The following COL4A2 variants were observed in gnomAD, a reference collection of about 807,000 sequenced individuals.
The protein encoded by COL4A2 is collagen alpha-2(IV) chain.
Under a neutral mutation model 200.2 loss-of-function variants are expected in COL4A2, and 99 were observed. The ratio of observed to expected loss-of-function variants is 0.49; its 90% confidence interval spans 0.42 to 0.58. The LOEUF is 0.58. Among genes scored for constraint, COL4A2 ranks in the 20% least tolerant of loss-of-function variants. The pLI, the probability that COL4A2 is intolerant of heterozygous loss-of-function variation, is 0.00. For missense variants in COL4A2, 1,950 were observed against 2,314.1 expected (o/e 0.84, Z 3.23); for synonymous variants, 897 against 900.6 (o/e 1.00, Z 0.07).
At chr13:110,424,604 ATAT>A in intron 4 of COL4A2, 127 bp from the exon 5 acceptor site, 1 of 554,960 alleles carries the variant, frequency 1.8e-6, no homozygotes, top group Non-Finnish European at 3.2e-6. Flanking sequence ...GATAGTTTAC[ATAT>A]AATGTTCCCT....
chr13:110,465,278 A>G lies in COL4A2; in HGVS notation c.1777-127A>G, dbSNP rs1012185808. The G allele has an allele frequency of 5.6e-6, 7 of 1,241,538 alleles. No individual in the cohort carries two copies. In the African/African-American group the frequency reaches 6.1e-5, roughly 11 times the overall value. The allele number at this position is 1,241,538 out of a possible 1,614,324, so 76.9% of individuals were successfully genotyped here. The stretch of plus-strand genomic sequence containing the variant: ...TGACCATGGCACTAGGTTCCTGTTC[A>G]TCTCTGTTGTCTTTCTGTTCTGGAT... On this transcript the variant is annotated intron_variant, in intron 24 of 47. Coordinates refer to ENST00000360467, the MANE Select transcript of COL4A2 (RefSeq NM_001846.4).
At chr13:110,421,520 G>T (rs1167112083) in intron 4 of COL4A2, among the ~76,000 whole-genome samples, 2 of 152,170 alleles carry the variant, frequency 1.3e-5, no homozygotes, top group Admixed American at 1.3e-4. Flanking sequence ...TGGTAAATCC[G>T]TAGAGACAGA....
At position 110,503,148 on chromosome 13, in the gene COL4A2, G is replaced by A; in HGVS notation, c.3905G>A (p.Gly1302Asp). The change falls in exon 42 of 48, where the codon GGT becomes GAT. Residue 1302 changes from glycine to aspartate, a missense_variant. Transcript: ENST00000360467. ...KGYRGPPGPP[G>D]SAALPGSKGD... Reference sequence around the variant, plus strand: ...TATCGGGGCCCACCAGGGCCACCAGGTTCTGCTGCTCTTCCTGGAAGCAAA... The same window carrying A: ...TATCGGGGCCCACCAGGGCCACCAGATTCTGCTGCTCTTCCTGGAAGCAAA... 1 of 1,613,932 alleles carries A rather than the reference G, an allele frequency of 6.2e-7. No homozygotes were observed. The highest frequency in any genetic ancestry group is 8.5e-7 in the Non-Finnish European group (1 of 1,179,974).
chr13:110,482,483 T>G lies in COL4A2; in HGVS notation c.2759-33T>G, dbSNP rs541632438. 367 of 1,607,796 alleles carry G rather than the reference T, an allele frequency of 2.3e-4. 1 individual carries two copies. Among genetic ancestry groups the G allele is most frequent in the Non-Finnish European group, 3.0e-4 (354 of 1,174,780 alleles). ...AAATGTCCCATGCATTTTATTCATG[T>G]CTAACCCAGCACTTTTCTCTTTTCC... On this transcript the variant is annotated intron_variant, in intron 31 of 47. Transcript: ENST00000360467.
intron 3 of COL4A2, among the ~76,000 whole-genome samples, chr13:110,309,841 A>G (rs907724056): frequency 3.3e-5 from 5 of 151,450 alleles, no homozygotes; most frequent in Admixed American, 6.6e-5. Flanking sequence ...ATACAAAAAA[A>G]TCAGCCGGGC....
rs749301484 is a variant in COL4A2, at chr13:110,469,295, C to G, written c.2174C>G (p.Ala725Gly). 1.1e-4 allele frequency: 178 copies of G among 1,597,552 alleles called. No homozygotes were observed. Among genetic ancestry groups the G allele is most frequent in the Non-Finnish European group, 1.5e-4 (174 of 1,172,254 alleles). ...GPGPRGLPGD[A>G]GREGFPGPPG... ...GGGCCCAGGGGCTTGCCAGGAGACGCAGGTCGTGAAGGGTTCCCAGGACCC... is the reference window on the plus strand; with the variant it reads ...GGGCCCAGGGGCTTGCCAGGAGACGGAGGTCGTGAAGGGTTCCCAGGACCC... Residue 725 changes from alanine to glycine, a missense_variant, in exon 28 of 48, where the codon GCA becomes GGA. Transcript: ENST00000360467.
intron 38 of COL4A2, 72 bp from the exon 39 acceptor site, chr13:110,493,139 G>A (rs917786477): frequency 9.5e-6 from 15 of 1,573,236 alleles, no homozygotes; most frequent in Admixed American, 5.1e-5. Context: ...TGACACCCCC[G>A]CAGGTGAAAT....
At chr13:110,336,839 C>G (rs1039742637) in intron 3 of COL4A2, among the ~76,000 whole-genome samples, 1 of 152,202 alleles carries the variant, frequency 6.6e-6, no homozygotes, top group South Asian at 2.1e-4. Flanking sequence ...TTCCTCTGCT[C>G]CCTCTGAAGC....
chr13:110,332,962 A>T (rs1022216769), intron 3 of COL4A2, among the ~76,000 whole-genome samples: 4 of 152,224 alleles, frequency 2.6e-5, no homozygotes, highest in Non-Finnish European at 5.9e-5. Flanking sequence ...TGAGTCAGCA[A>T]GAAGTGGGTG....
intron 20 of COL4A2, among the ~76,000 whole-genome samples, chr13:110,455,964 A>G (rs570258648): frequency 6.6e-6 from 1 of 152,236 alleles, no homozygotes; most frequent in South Asian, 2.1e-4. Flanking sequence ...CCTATTATTT[A>G]ACAGTGAGGA....
At chr13:110,311,902 C>A (rs1884995000) in intron 3 of COL4A2, among the ~76,000 whole-genome samples, 1 of 152,234 alleles carries the variant, frequency 6.6e-6, no homozygotes, top group African/African-American at 2.4e-5. Flanking sequence ...GGGGCTCCAG[C>A]CCCAGGAAAT....
chr13:110,349,634 T>C (rs924004258), intron 3 of COL4A2, among the ~76,000 whole-genome samples: 1 of 152,198 alleles, frequency 6.6e-6, no homozygotes, highest in Non-Finnish European at 1.5e-5. Context: ...GAACCTGGTT[T>C]TCCTTAAAGG....
In COL4A2 at chr13:110,492,677, G is replaced by A. The variant is rs149020773; in HGVS notation, c.3562+500G>A. On this transcript the variant is annotated intron_variant, in intron 38 of 47. Transcript: ENST00000360467. ...ATCCAGAGGGAATGGAAATGACACCGGGCTATTTGTTCCAAGCAGCTTTTA... is the reference window on the plus strand; with the variant it reads ...ATCCAGAGGGAATGGAAATGACACCAGGCTATTTGTTCCAAGCAGCTTTTA... 3.8e-3 allele frequency among the ~76,000 whole-genome samples: 573 copies of A among 152,352 alleles called. 2 individuals are homozygous for A. Among genetic ancestry groups the A allele is most frequent in the African/African-American group, 0.013 (541 of 41,582 alleles).
intron 3 of COL4A2, 148 bp from the exon 4 acceptor site, chr13:110,357,324 T>G (rs1031510948): frequency 9.6e-6 from 12 of 1,247,038 alleles, no homozygotes; most frequent in Non-Finnish European, 1.2e-5. Flanking sequence ...CTCTAAAAAT[T>G]AGTCTATTTT....
At chr13:110,471,381 G>A (rs1882461114) in intron 28 of COL4A2, among the ~76,000 whole-genome samples, 1 of 152,218 alleles carries the variant, frequency 6.6e-6, no homozygotes, top group Admixed American at 6.5e-5. Flanking sequence ...GGTGGGTGGT[G>A]ATTGAGGAAC....
At position 110,424,695 on chromosome 13, in the gene COL4A2, T is replaced by A. The variant is rs188399191; in HGVS notation, c.181-39T>A. On this transcript the variant is annotated intron_variant, in intron 4 of 47. Coordinates refer to ENST00000360467, the MANE Select transcript of COL4A2 (RefSeq NM_001846.4). ...CGTAACTGATCATGAGTATGTATTG[T>A]GATTAATCGTGGAAATTGAACCTTT... The A allele has an allele frequency of 5.1e-4, 748 of 1,459,750 alleles. 6 individuals carry two copies. Among genetic ancestry groups the A allele is most frequent in the South Asian group, 3.4e-3 (275 of 81,662 alleles). The allele number at this position is 1,459,750 out of a possible 1,614,324, so 90.4% of individuals were successfully genotyped here. A position where few individuals can be genotyped will look rare whatever the true frequency, so the allele number is the denominator to read the frequency against.
chr13:110,394,933 T>G (rs865890881), intron 4 of COL4A2, among the ~76,000 whole-genome samples: 7 of 152,204 alleles, frequency 4.6e-5, no homozygotes, highest in South Asian at 2.1e-4. Context: ...AAAGATCTGA[T>G]GGAATTAGCA....
chr13:110,344,847 A>G (rs4773161), intron 3 of COL4A2, among the ~76,000 whole-genome samples: 139,528 of 152,222 alleles, frequency 0.92, 64,883 homozygotes, highest in Middle Eastern at 0.99. Context: ...ATTTACTGCA[A>G]TATTTCTTTA....
intron 20 of COL4A2, among the ~76,000 whole-genome samples, chr13:110,451,187 C>T (rs1881527100): frequency 6.6e-6 from 1 of 152,182 alleles, no homozygotes; most frequent in Admixed American, 6.5e-5. Flanking sequence ...AGCAGGGAAA[C>T]ATGCAGTCCC....
Sources: gnomAD v4.1 joint callset for allele counts (sites outside exome capture counted in the v4.1 genomes callset) on GRCh38, gnomAD v4.1.1 for gene constraint, MANE v1.5 for transcripts, NCBI Gene and HGNC (gene_info 2026-07-23, HGNC 2026-07-21) for gene names.